The following SCFD2 variants were observed in gnomAD, a reference collection of about 807,000 sequenced individuals.
SCFD2 encodes the protein sec1 family domain-containing protein 2.
SCFD2 carries 54 observed loss-of-function variants against 58.9 expected under a neutral mutation model. The observed-to-expected ratio is 0.92, with a 90% CI of 0.74 to 1.15. The LOEUF is 1.15. SCFD2 is among the 50% of genes most tolerant of loss of function. The probability of loss-of-function intolerance (pLI) is 0.00; values close to 1 mark genes in which losing one functional copy is unlikely to be tolerated. For missense variants in SCFD2, 805 were observed against 836.6 expected (o/e 0.96, Z 0.47); for synonymous variants, 321 against 335.9 (o/e 0.96, Z 0.49).
intron 2 of SCFD2, among the ~76,000 whole-genome samples, chr4:53,337,201 C>A (rs1302638391): frequency 6.6e-6 from 1 of 152,182 alleles, no homozygotes. Context: ...AGATGGCCCA[C>A]TTCTTGTGTG....
chr4:53,098,992 C>T (rs1383323276), intron 5 of SCFD2, among the ~76,000 whole-genome samples: 1 of 152,172 alleles, frequency 6.6e-6, no homozygotes, highest in African/African-American at 2.4e-5. Context: ...GCTGTCTCCT[C>T]CAGCTAAACT....
chr4:52,886,934 C>A (rs1272474060), intron 7 of SCFD2, among the ~76,000 whole-genome samples: 3 of 152,224 alleles, frequency 2.0e-5, no homozygotes, highest in Admixed American at 2.0e-4. Flanking sequence ...TTCTTTGTTG[C>A]ATGGCTCTGT....
At chr4:53,218,049 G>A (rs1485823744) in intron 4 of SCFD2, among the ~76,000 whole-genome samples, 5 of 152,144 alleles carry the variant, frequency 3.3e-5, no homozygotes, top group African/African-American at 4.8e-5. Flanking sequence ...TGGGTAACCC[G>A]ACCTTTCTCT....
intron 5 of SCFD2, among the ~76,000 whole-genome samples, chr4:53,014,180 A>G (rs1166889220): frequency 6.6e-6 from 1 of 152,190 alleles, no homozygotes. Context: ...GTGCTATGAG[A>G]CAGAGGAGGC....
intron 3 of SCFD2, among the ~76,000 whole-genome samples, chr4:53,303,558 T>C (rs1732406953): frequency 1.3e-5 from 2 of 152,108 alleles, no homozygotes; most frequent in South Asian, 4.1e-4. Context: ...TCCTCAGGGA[T>C]CTAGAACTTG....
At chr4:52,967,201 T>C (rs1281764813) in intron 5 of SCFD2, among the ~76,000 whole-genome samples, 1 of 152,228 alleles carries the variant, frequency 6.6e-6, no homozygotes, top group Admixed American at 6.5e-5. Context: ...CAAGGGCATG[T>C]TGCTGCACAT....
intron 2 of SCFD2, among the ~76,000 whole-genome samples, chr4:53,340,349 A>G (rs907447272): frequency 2.0e-5 from 3 of 152,206 alleles, no homozygotes; most frequent in Non-Finnish European, 4.4e-5. Context: ...ACGCCCACAA[A>G]GCCTCGCTCA....
chr4:52,926,698 T>A (rs958938189), intron 5 of SCFD2, among the ~76,000 whole-genome samples: 6 of 152,134 alleles, frequency 3.9e-5, no homozygotes, highest in African/African-American at 7.2e-5. Context: ...TCAGGCCCAC[T>A]TTCTAGTTTG....
At chr4:53,074,557 T>C (rs779017280) in intron 5 of SCFD2, among the ~76,000 whole-genome samples, 37 of 152,154 alleles carry the variant, frequency 2.4e-4, no homozygotes, top group Non-Finnish European at 5.4e-4. Flanking sequence ...CCTTAAAAAA[T>C]GTATTTCTTA....
chr4:53,246,506 C>A (rs1177102542), intron 4 of SCFD2, among the ~76,000 whole-genome samples: 2 of 152,042 alleles, frequency 1.3e-5, no homozygotes, highest in African/African-American at 4.8e-5. Flanking sequence ...GACACATAGA[C>A]CAATGGAACA....
chr4:53,217,400 A>C (rs1184266598), intron 4 of SCFD2, among the ~76,000 whole-genome samples: 2 of 152,004 alleles, frequency 1.3e-5, no homozygotes, highest in Non-Finnish European at 2.9e-5. Flanking sequence ...CCATTATATA[A>C]TGGCCTTGTC....
intron 3 of SCFD2, among the ~76,000 whole-genome samples, chr4:53,287,512 A>C (rs1475972221): frequency 1.3e-5 from 2 of 152,164 alleles, no homozygotes; most frequent in Non-Finnish European, 2.9e-5. Context: ...AGCTACACAG[A>C]GAGTCTGTAC....
chr4:53,345,342 A>G (rs564656227), intron 2 of SCFD2, among the ~76,000 whole-genome samples: 1 of 152,346 alleles, frequency 6.6e-6, no homozygotes, highest in South Asian at 2.1e-4. Context: ...AGACACATGA[A>G]AAAATGTTCA....
In SCFD2 at chr4:53,169,983, C is replaced by T. The variant is rs549624002; in HGVS notation, c.1312-24401G>A. On this transcript the variant is annotated intron_variant, in intron 4 of 8. Transcript: ENST00000401642. ...ATATTTTCTCCCAGTCTCTCTAGGTCGCTTCTTCACTCTGTTAATTGTTTC... is the reference window on the plus strand; with the variant it reads ...ATATTTTCTCCCAGTCTCTCTAGGTTGCTTCTTCACTCTGTTAATTGTTTC... Among the ~76,000 whole-genome samples, 11 of 152,272 alleles carry T rather than the reference C, an allele frequency of 7.2e-5. No individual in the cohort carries two copies. The South Asian group carries it at 2.3e-3, about 32-fold the overall frequency.
At chr4:53,291,094 T>G (rs968577752) in intron 3 of SCFD2, among the ~76,000 whole-genome samples, 1 of 152,104 alleles carries the variant, frequency 6.6e-6, no homozygotes, top group Non-Finnish European at 1.5e-5. Flanking sequence ...CAACATATTT[T>G]ATAAGGCCAG....
chr4:53,008,757 G>T (rs720258), intron 5 of SCFD2, among the ~76,000 whole-genome samples: 3 of 152,200 alleles, frequency 2.0e-5, no homozygotes. Flanking sequence ...AAAAGCTATA[G>T]AATCCAGCTG....
intron 2 of SCFD2, among the ~76,000 whole-genome samples, chr4:53,314,008 G>C (rs1170571594): frequency 2.0e-5 from 3 of 152,132 alleles, no homozygotes; most frequent in Admixed American, 6.5e-5. Context: ...TGTGTGATGA[G>C]AAGTGTGGGA....
intron 6 of SCFD2, among the ~76,000 whole-genome samples, chr4:52,918,720 A>G (rs893583870): frequency 1.3e-5 from 2 of 152,228 alleles, no homozygotes; most frequent in Non-Finnish European, 2.9e-5. Flanking sequence ...AAATAGAATA[A>G]TGCTTTACAG....
chr4:52,969,934 G>A (rs1721055255), intron 5 of SCFD2, among the ~76,000 whole-genome samples: 1 of 152,126 alleles, frequency 6.6e-6, no homozygotes, highest in Non-Finnish European at 1.5e-5. Flanking sequence ...TTAGTTTTTT[G>A]AAAATGGGCA....
Sources: allele counts gnomAD v4.1 joint callset (sites outside exome capture counted in the v4.1 genomes callset), GRCh38; gene constraint gnomAD v4.1.1; transcripts MANE v1.5; gene names NCBI Gene and HGNC (gene_info 2026-07-23, HGNC 2026-07-21).